KCNAB1: variants seen among roughly 807,000 people sequenced by gnomAD.
KCNAB1 encodes voltage-gated potassium channel subunit beta-1.
Under a neutral mutation model 64.6 loss-of-function variants are expected in KCNAB1, and 35 were observed. The observed-to-expected ratio is 0.54, with a 90% CI of 0.41 to 0.72. The LOEUF (loss-of-function observed/expected upper bound fraction) is 0.72. Ranked by LOEUF, KCNAB1 falls within the 30% of genes least tolerant of loss-of-function variation. The pLI is 0.00. For missense variants in KCNAB1, 401 were observed against 512.9 expected (o/e 0.78, Z 2.11); for synonymous variants, 177 against 183.8 (o/e 0.96, Z 0.30).
chr3:156,204,956 T>A (rs1714563617), intron 1 of KCNAB1, among the ~76,000 whole-genome samples: 1 of 152,168 alleles, frequency 6.6e-6, no homozygotes, highest in Non-Finnish European at 1.5e-5. Flanking sequence ...TTAAAAATTG[T>A]GGTATTCAAA....
At chr3:156,329,584 C>G (rs1031623183) in intron 1 of KCNAB1, among the ~76,000 whole-genome samples, 1 of 152,088 alleles carries the variant, frequency 6.6e-6, no homozygotes, top group African/African-American at 2.4e-5. Context: ...AAGGGGGACA[C>G]ATGGAGCCAT....
At chr3:156,349,486 C>T (rs1253905431) in intron 1 of KCNAB1, among the ~76,000 whole-genome samples, 1 of 152,140 alleles carries the variant, frequency 6.6e-6, no homozygotes, top group Non-Finnish European at 1.5e-5. Flanking sequence ...TCTATCTTAC[C>T]ACTTCTACTT....
At chr3:156,278,436 C>T (rs1006692692) in intron 1 of KCNAB1, among the ~76,000 whole-genome samples, 3 of 152,092 alleles carry the variant, frequency 2.0e-5, no homozygotes, top group African/African-American at 4.8e-5. Context: ...ACTAGCTTCA[C>T]GAAGTCTATT....
intron 1 of KCNAB1, among the ~76,000 whole-genome samples, chr3:156,162,697 G>A (rs1305367148): frequency 6.6e-6 from 1 of 152,114 alleles, no homozygotes; most frequent in Non-Finnish European, 1.5e-5. Context: ...GACATCTTCA[G>A]TAACTCTTAC....
At chr3:156,252,259 T>G (rs888937889) in intron 1 of KCNAB1, among the ~76,000 whole-genome samples, 30 of 152,256 alleles carry the variant, frequency 2.0e-4, no homozygotes, top group African/African-American at 6.8e-4. Flanking sequence ...ACACGCTTAA[T>G]GTCATTCGTA....
chr3:156,439,686 G>C (rs1204097443), intron 2 of KCNAB1, among the ~76,000 whole-genome samples: 1 of 152,200 alleles, frequency 6.6e-6, no homozygotes, highest in African/African-American at 2.4e-5. Context: ...AATGAAAAAT[G>C]GAGCATCACC....
At chr3:156,218,801 A>AAAAAAAAAAAAAAAAAATAAT (rs371264941) in intron 1 of KCNAB1, among the ~76,000 whole-genome samples, 1 of 112,246 alleles carries the variant, frequency 8.9e-6, no homozygotes, top group Non-Finnish European at 1.7e-5. Flanking sequence ...AAAAAAAAAA[A>AAAAAAAAAAAAAAAAAATAAT]AATAATAATA....
intron 2 of KCNAB1, chr3:156,446,641 A>G (rs1015505969): frequency 3.9e-5 from 6 of 152,276 alleles, no homozygotes; most frequent in African/African-American, 1.2e-4. Flanking sequence ...GTGTTCTCCT[A>G]GAGGTTTCAC....
intron 1 of KCNAB1, among the ~76,000 whole-genome samples, chr3:156,197,225 T>TTATGTTATGA (rs1714008547): frequency 6.6e-6 from 1 of 152,246 alleles, no homozygotes; most frequent in Non-Finnish European, 1.5e-5. Context: ...TGAGGATTTT[T>TTATGTTATGA]GCATTGATGT....
intron 12 of KCNAB1, among the ~76,000 whole-genome samples, chr3:156,526,557 G>A (rs184629206): frequency 1.4e-4 from 21 of 152,162 alleles, no homozygotes; most frequent in Non-Finnish European, 2.4e-4. Context: ...CTAGACACAC[G>A]TTGCATGCTC....
intron 1 of KCNAB1, among the ~76,000 whole-genome samples, chr3:156,264,247 A>G (rs914089255): frequency 3.3e-5 from 5 of 152,070 alleles, no homozygotes; most frequent in African/African-American, 1.2e-4. Flanking sequence ...TGCATGGTCT[A>G]TCTTTTTACA....
chr3:156,355,106 T>G (rs9854671), intron 1 of KCNAB1, among the ~76,000 whole-genome samples: 1,994 of 152,360 alleles, frequency 0.013, 47 homozygotes, highest in African/African-American at 0.045. Flanking sequence ...TAGGGACTTG[T>G]GTTTCAGTCT....
chr3:156,528,905 A>G (rs772993886), intron 12 of KCNAB1, among the ~76,000 whole-genome samples: 1 of 152,140 alleles, frequency 6.6e-6, no homozygotes. Context: ...CTAGCTAGGG[A>G]AGTGATATGA....
intron 2 of KCNAB1, among the ~76,000 whole-genome samples, chr3:156,438,493 T>G (rs1716747748): frequency 6.6e-6 from 1 of 152,244 alleles, no homozygotes; most frequent in African/African-American, 2.4e-5. Flanking sequence ...AAGACAGGTA[T>G]GTGGTTAGAA....
intron 2 of KCNAB1, among the ~76,000 whole-genome samples, chr3:156,433,906 C>T (rs1284730409): frequency 6.6e-6 from 1 of 152,140 alleles, no homozygotes; most frequent in African/African-American, 2.4e-5. Flanking sequence ...CCTGTCTTAC[C>T]ACTGGATTGA....
At chr3:156,351,252 G>A (rs767443435) in intron 1 of KCNAB1, among the ~76,000 whole-genome samples, 4 of 152,206 alleles carry the variant, frequency 2.6e-5, no homozygotes, top group Admixed American at 6.5e-5. Context: ...AATCAAACAC[G>A]GAATCTAGTG....
At chr3:156,358,750 C>T (rs569827038) in intron 1 of KCNAB1, among the ~76,000 whole-genome samples, 1 of 152,036 alleles carries the variant, frequency 6.6e-6, no homozygotes, top group African/African-American at 2.4e-5. Flanking sequence ...CTGCATTGCC[C>T]CATGCCAGAA....
chr3:156,219,129 AG>A (rs1230686516), intron 1 of KCNAB1, among the ~76,000 whole-genome samples: 9 of 152,128 alleles, frequency 5.9e-5, no homozygotes, highest in Admixed American at 5.9e-4. Context: ...TGCCAGAAAA[AG>A]GATTCAGAAG....
chr3:156,154,657 T>C (rs1233306279), intron 1 of KCNAB1, among the ~76,000 whole-genome samples: 1 of 152,218 alleles, frequency 6.6e-6, no homozygotes, highest in Admixed American at 6.5e-5. Context: ...TGGTAATTAA[T>C]AGTTGCAGGC....
Sources: gnomAD v4.1 joint callset for allele counts (sites outside exome capture counted in the v4.1 genomes callset) on GRCh38, gnomAD v4.1.1 for gene constraint, MANE v1.5 for transcripts, NCBI Gene and HGNC (gene_info 2026-07-23, HGNC 2026-07-21) for gene names.